Variants in NECAP2 observed in about 807,000 individuals in gnomAD.
NECAP2 encodes NECAP endocytosis associated 2, also known as adaptin ear-binding coat-associated protein 2.
Under a neutral mutation model 37.8 loss-of-function variants are expected in NECAP2, and 38 were observed. The ratio of observed to expected loss-of-function variants is 1.01; its 90% confidence interval spans 0.78 to 1.32. The LOEUF (loss-of-function observed/expected upper bound fraction) is 1.32, where lower values mean the gene tolerates loss of function less well. NECAP2 is among the 40% of genes most tolerant of loss of function. The pLI is 0.00. For synonymous variants in NECAP2, 121 were observed against 127.7 expected (o/e 0.95, Z 0.35); for missense variants, 316 against 334.5 (o/e 0.94, Z 0.43).
At position 16,444,946 on chromosome 1, in the gene NECAP2, C is replaced by T. The variant is rs186911727; in HGVS notation, c.193+1214C>T. 2.1e-3 allele frequency among the ~76,000 whole-genome samples: 316 copies of T among 152,312 alleles called. 2 individuals are homozygous for T. The highest frequency in any genetic ancestry group is 3.4e-3 in the Middle Eastern group (1 of 294). ...CAAGCAATTCTCTGCCTCAGCCTCT[C>T]GGGTAGCTGGGATTACAGGCGCCCC... On this transcript the variant is annotated intron_variant, in intron 2 of 7. Coordinates refer to ENST00000337132, the MANE Select transcript of NECAP2 (RefSeq NM_018090.5).
In NECAP2 at chr1:16,459,165, C is replaced by G. The variant is rs2086975270; in HGVS notation, c.*275C>G. Reference sequence around the variant, plus strand: ...CTGTCCTCTTGATGTGAGAGAGACTCTGAGACTTCTTCCATCGCAATGACC... The same window carrying G: ...CTGTCCTCTTGATGTGAGAGAGACTGTGAGACTTCTTCCATCGCAATGACC... On this transcript the variant is annotated 3_prime_UTR_variant, in exon 8 of 8. Coordinates refer to ENST00000337132, the MANE Select transcript of NECAP2 (RefSeq NM_018090.5). The G allele has an allele frequency of 1.6e-6, 1 of 613,808 alleles. No individual in the cohort carries two copies. Among genetic ancestry groups the G allele is most frequent in the Non-Finnish European group, 2.7e-6 (1 of 363,842 alleles). The allele number at this position is 613,808 out of a possible 1,614,324, so 38.0% of individuals were successfully genotyped here. A position where few individuals can be genotyped will look rare whatever the true frequency, so the allele number is the denominator to read the frequency against.
At position 16,440,757 on chromosome 1, in the gene NECAP2, T is replaced by A. The variant is rs2086676858; in HGVS notation, c.-5T>A. ...CCGGAAGTTCGGTGGGCTCCAGGCG[T>A]CGCGATGGAGGAGAGCGGGTACGAG... On this transcript the variant is annotated 5_prime_UTR_variant, in exon 1 of 8. Transcript: ENST00000337132. The A allele has an allele frequency of 5.6e-6, 9 of 1,612,820 alleles. No homozygotes were observed. The highest frequency in any genetic ancestry group is 7.6e-6 in the Non-Finnish European group (9 of 1,178,950).
At chr1:16,452,527 A>C (rs867244268) in intron 6 of NECAP2, among the ~76,000 whole-genome samples, 13 of 152,168 alleles carry the variant, frequency 8.5e-5, no homozygotes, top group Admixed American at 6.5e-5. Context: ...AATGAGGCCC[A>C]GACTTTTAGA....
chr1:16,440,782 G>C lies in NECAP2; in HGVS notation c.21G>C (p.Glu7Asp). MEESGY[E>D]SVLCVKPDVH... is the part of the protein sequence containing the mutation. ...TCGCGATGGAGGAGAGCGGGTACGAGTCGGTGCTCTGTGTCAAGCCTGACG... is the reference window on the plus strand; with the variant it reads ...TCGCGATGGAGGAGAGCGGGTACGACTCGGTGCTCTGTGTCAAGCCTGACG... The change falls in exon 1 of 8, where the codon GAG becomes GAC. Residue 7 changes from glutamate (E) to aspartate (D), a missense_variant. By Grantham distance (45) the Glu-to-Asp change is conservative. This residue lies in a region of NECAP2 where 31 missense variants were observed against 21.7 expected (regional missense o/e 1.43). Transcript: ENST00000337132. The C allele has an allele frequency of 1.2e-6, 2 of 1,614,204 alleles. No homozygotes were observed. Among genetic ancestry groups the C allele is most frequent in the Non-Finnish European group, 1.7e-6 (2 of 1,180,030 alleles).
intron 1 of NECAP2, among the ~76,000 whole-genome samples, chr1:16,443,208 G>C (rs80174935): frequency 1.3e-5 from 2 of 152,258 alleles, no homozygotes; most frequent in African/African-American, 2.4e-5. Context: ...GTGGTCTAGA[G>C]AGGGGGTCAC....
intron 7 of NECAP2, among the ~76,000 whole-genome samples, chr1:16,457,564 C>G (rs1213131731): frequency 6.6e-6 from 1 of 152,114 alleles, no homozygotes; most frequent in Non-Finnish European, 1.5e-5. Context: ...AGCGTTGACC[C>G]TGAGATAACT....
At chr1:16,445,018 G>C (rs2086739903) in intron 2 of NECAP2, among the ~76,000 whole-genome samples, 1 of 152,128 alleles carries the variant, frequency 6.6e-6, no homozygotes, top group African/African-American at 2.4e-5. Flanking sequence ...TAGAGACGGG[G>C]TTTCACCATA....
intron 5 of NECAP2, chr1:16,450,162 A>G (rs763062277): frequency 8.8e-6 from 4 of 455,102 alleles, no homozygotes; most frequent in South Asian, 6.2e-5. Context: ...TGCAAGTCCA[A>G]TCCAGTGGAC....
intron 5 of NECAP2, chr1:16,449,919 G>C: frequency 4.1e-6 from 1 of 244,832 alleles, no homozygotes; most frequent in South Asian, 4.2e-5. Context: ...CTGGCTGCAA[G>C]GGTGGAGAGG....
intron 6 of NECAP2, 132 bp from the exon 7 acceptor site, chr1:16,455,686 C>G: frequency 1.4e-6 from 1 of 703,614 alleles, no homozygotes; most frequent in South Asian, 1.7e-5. Flanking sequence ...TCTGGTGTGG[C>G]TTTCCCAGCT....
chr1:16,455,326 G>A (rs1405719930), intron 6 of NECAP2, among the ~76,000 whole-genome samples: 1 of 152,206 alleles, frequency 6.6e-6, no homozygotes, highest in Non-Finnish European at 1.5e-5. Context: ...TAACCAGTTT[G>A]GGGCCTGGGA....
chr1:16,443,814 G>A, intron 2 of NECAP2, 82 bp downstream of exon 2: 1 of 1,082,696 alleles, frequency 9.2e-7, no homozygotes, highest in Non-Finnish European at 1.4e-6. Context: ...TGGCCAGGCT[G>A]CTCAGGGGTC....
At chr1:16,450,726 T>C (rs2086830241) in intron 5 of NECAP2, 1 of 152,338 alleles carries the variant, frequency 6.6e-6, no homozygotes. Context: ...GGTGGGCGGA[T>C]CACCTGAGGT....
At chr1:16,448,011 A>G in intron 3 of NECAP2, 37 bp downstream of exon 3, 4 of 1,613,908 alleles carry the variant, frequency 2.5e-6, no homozygotes, top group Non-Finnish European at 8.5e-7. Context: ...CTCTTGGGAA[A>G]GGTTTTCTCT....
chr1:16,450,253 T>C (rs767437549), intron 5 of NECAP2: 3 of 394,170 alleles, frequency 7.6e-6, no homozygotes, highest in Non-Finnish European at 1.5e-5. Context: ...TAGTGGTTTT[T>C]TTTTGTTTTG....
intron 7 of NECAP2, 135 bp downstream of exon 7, chr1:16,456,028 T>TC (rs1341132257): frequency 5.7e-5 from 33 of 582,438 alleles, no homozygotes; most frequent in East Asian, 9.3e-5. Context: ...TCTTTTCTTT[T>TC]TTTTTTTTTT....
intron 5 of NECAP2, chr1:16,449,981 GTTT>G (rs1009995797): frequency 3.3e-5 from 10 of 306,840 alleles, no homozygotes; most frequent in African/African-American, 2.2e-4. Flanking sequence ...AAGTGGATTG[GTTT>G]TTGTTTTTGC....
intron 7 of NECAP2, among the ~76,000 whole-genome samples, chr1:16,457,987 AG>A (rs1362469632): frequency 1.3e-5 from 2 of 152,078 alleles, no homozygotes; most frequent in Admixed American, 6.6e-5. Flanking sequence ...CTGGGATTAC[AG>A]GCGTGAACTA....
At chr1:16,458,520 G>A (rs1252800102) in intron 7 of NECAP2, among the ~76,000 whole-genome samples, 2 of 152,046 alleles carry the variant, frequency 1.3e-5, no homozygotes, top group African/African-American at 4.8e-5. Context: ...GAGCTCAAGA[G>A]GTTGAGGCTA....
Sources: allele counts gnomAD v4.1 joint callset (sites outside exome capture counted in the v4.1 genomes callset), GRCh38; gene constraint gnomAD v4.1.1; regional missense constraint gnomAD v4.1.1; transcripts MANE v1.5; gene names NCBI Gene and HGNC (gene_info 2026-07-23, HGNC 2026-07-21).